The following TRANK1 variants were observed in gnomAD, a reference collection of about 807,000 sequenced individuals.
The protein encoded by TRANK1 is TPR and ankyrin repeat-containing protein 1.
TRANK1 carries 198 observed loss-of-function variants against 266.0 expected under a neutral mutation model. The observed-to-expected ratio is 0.74, with a 90% CI of 0.66 to 0.84. The LOEUF is 0.84. Among genes scored for constraint, TRANK1 ranks in the 40% least tolerant of loss-of-function variants. The pLI, the probability that TRANK1 is intolerant of heterozygous loss-of-function variation, is 0.00. For missense variants in TRANK1, 3,326 were observed against 3,634.6 expected, an observed-to-expected ratio of 0.92 and a Z score of 2.18; for synonymous variants, 1,396 against 1,384.1, an observed-to-expected ratio of 1.01 and a Z score of -0.19.
At chr3:36,892,880 T>G (rs370781156) in intron 6 of TRANK1, 21 bp downstream of exon 6, 17 of 1,005,462 alleles carry the variant, frequency 1.7e-5, no homozygotes, top group African/African-American at 8.4e-5. Context: ...TAGATATATA[T>G]AGATATATAT....
At chr3:36,854,663 C>T (rs546584009) in intron 13 of TRANK1, among the ~76,000 whole-genome samples, 13 of 152,082 alleles carry the variant, frequency 8.5e-5, no homozygotes, top group Admixed American at 3.3e-4. Context: ...AAGCACTATA[C>T]GTAAACTGTT....
intron 1 of TRANK1, among the ~76,000 whole-genome samples, chr3:36,923,256 A>ATTTTT (rs34869381): frequency 7.1e-6 from 1 of 141,004 alleles, no homozygotes. Flanking sequence ...GTCTTGGTAA[A>ATTTTT]TTTTTTTTTT....
intron 8 of TRANK1, among the ~76,000 whole-genome samples, chr3:36,888,283 G>T (rs1405161178): frequency 6.6e-6 from 1 of 152,148 alleles, no homozygotes; most frequent in Non-Finnish European, 1.5e-5. Flanking sequence ...GAAATATCCA[G>T]AATAGGCAAA....
chr3:36,866,084 GAAAGAAAGAAAGAAAGAAAGAA>G (rs1242947007), intron 9 of TRANK1, among the ~76,000 whole-genome samples: 3 of 150,862 alleles, frequency 2.0e-5, no homozygotes, highest in African/African-American at 7.3e-5. Context: ...AAGAAAGAAA[GAAAGAAAGAAAGAAAGAAAGAA>G]AGAAAGAAAG....
chr3:36,897,675 T>C (rs2079812622), intron 4 of TRANK1, among the ~76,000 whole-genome samples: 1 of 152,256 alleles, frequency 6.6e-6, no homozygotes, highest in African/African-American at 2.4e-5. Context: ...TTCTAACATG[T>C]GCCATTTTTC....
At chr3:36,942,198 T>C (rs553014315) in intron 1 of TRANK1, among the ~76,000 whole-genome samples, 3 of 152,072 alleles carry the variant, frequency 2.0e-5, no homozygotes, top group South Asian at 2.1e-4. Flanking sequence ...AACCAGCAAA[T>C]AGAAGTTTAA....
intron 1 of TRANK1, among the ~76,000 whole-genome samples, chr3:36,943,658 A>G (rs1188301686): frequency 6.6e-6 from 1 of 151,158 alleles, no homozygotes; most frequent in Non-Finnish European, 1.5e-5. Context: ...TCTATAAAGG[A>G]CCAAACAGGA....
At chr3:36,944,651 C>A in intron 1 of TRANK1, 136 bp downstream of exon 1, 1 of 1,069,572 alleles carries the variant, frequency 9.3e-7, no homozygotes, top group South Asian at 1.6e-5. Context: ...CTGTGGGCCC[C>A]ACAGGGATGG....
At position 36,874,304 on chromosome 3, in the gene TRANK1, A is replaced by G. The variant is rs1190176821; in HGVS notation, c.908-8T>C. ...GCACATCCTCTGTTTGTCCTAGGGC[A>G]GGCCAAAATGAGAAGGGGTGTTTGT... On this transcript the variant is annotated splice_polypyrimidine_tract_variant and splice_region_variant and intron_variant, in intron 8 of 23. Coordinates refer to ENST00000645898, the MANE Select transcript of TRANK1 (RefSeq NM_001329998.2). The G allele has an allele frequency of 2.0e-6, 3 of 1,534,936 alleles. No individual in the cohort carries two copies. The South Asian group carries it at 3.6e-5, about 18-fold the overall frequency.
At chr3:36,850,208 G>GA (rs947133088) in intron 15 of TRANK1, 54 of 984,964 alleles carry the variant, frequency 5.5e-5, no homozygotes, top group Non-Finnish European at 6.3e-5. Context: ...TGTATCATTA[G>GA]AAAAAAAAGT....
chr3:36,879,605 T>C (rs1203816069), intron 8 of TRANK1, among the ~76,000 whole-genome samples: 1 of 118,560 alleles, frequency 8.4e-6, no homozygotes, highest in African/African-American at 3.7e-5. Flanking sequence ...TATAAATATA[T>C]ATAAATATAC....
intron 9 of TRANK1, 65 bp downstream of exon 9, chr3:36,874,061 A>T (rs1235677870): frequency 1.4e-6 from 2 of 1,405,196 alleles, no homozygotes; most frequent in African/African-American, 1.4e-5. Flanking sequence ...AGATAAACTG[A>T]TTTGTATCTA....
intron 15 of TRANK1, chr3:36,850,869 A>G (rs2125534863): frequency 1.0e-6 from 1 of 985,472 alleles, no homozygotes; most frequent in South Asian, 4.7e-5. Flanking sequence ...CTTGGGTATA[A>G]CATAGCCCCT....
intron 3 of TRANK1, among the ~76,000 whole-genome samples, chr3:36,901,328 A>G (rs1462646972): frequency 6.6e-6 from 1 of 152,154 alleles, no homozygotes; most frequent in Non-Finnish European, 1.5e-5. Flanking sequence ...CATGAAGAAG[A>G]GAGAAATTGA....
rs1034545542 is a variant in TRANK1, at chr3:36,857,985, G to A, written c.1737C>T (p.Phe579=). Residue 579 remains phenylalanine (F), a synonymous_variant, in exon 13 of 24, where the codon TTC becomes TTT. Coordinates refer to ENST00000645898, the MANE Select transcript of TRANK1 (RefSeq NM_001329998.2). The surrounding 1 kb of genome is among the most constrained non-coding windows in gnomAD (Gnocchi z 4.3). ...LDLFWSNPTE[F]DYLNPNVQDS... is the part of the protein sequence containing the mutation. Reference sequence around the variant, plus strand: ...CCTGGACATTGGGGTTGAGGTAGTCGAATTCAGTGGGGTTGGACCAAAACA... The same window carrying A: ...CCTGGACATTGGGGTTGAGGTAGTCAAATTCAGTGGGGTTGGACCAAAACA... 1.1e-5 allele frequency: 18 copies of A among 1,598,498 alleles called. No individual in the cohort carries two copies. The highest frequency in any genetic ancestry group is 2.2e-5 in the East Asian group (1 of 44,866).
chr3:36,892,861 A>ATATC lies in TRANK1; in HGVS notation c.636+39_636+40insGATA, dbSNP rs1553626377. 1.6e-3 allele frequency: 1,183 copies of ATATC among 719,048 alleles called. 17 individuals carry two copies. In the African/African-American group the frequency reaches 0.021, roughly 13 times the overall value. The allele number at this position is 719,048 out of a possible 1,614,324, so 44.5% of individuals were successfully genotyped here. A position where few individuals can be genotyped will look rare whatever the true frequency, so the allele number is the denominator to read the frequency against. On this transcript the variant is annotated intron_variant, in intron 6 of 23. Transcript: ENST00000645898. ...ACAAAACAAAACAAAACATATATAT[A>ATATC]TATATATATAGATATATATAGATAT...
At chr3:36,912,950 C>G (rs2080072826) in intron 1 of TRANK1, among the ~76,000 whole-genome samples, 1 of 151,614 alleles carries the variant, frequency 6.6e-6, no homozygotes, top group African/African-American at 2.4e-5. Flanking sequence ...AGCCCAAAAG[C>G]AGTCAATGAT....
chr3:36,846,383 G>T lies in TRANK1; in HGVS notation c.5056C>A (p.Gln1686Lys). 1 of 1,613,286 alleles carries T rather than the reference G, an allele frequency of 6.2e-7. No homozygotes were observed. The highest frequency in any genetic ancestry group is 8.5e-7 in the Non-Finnish European group (1 of 1,179,536). ...GCCCGTGTGATGGCGGTGTACAGCT[G>T]CTTCAGCTCTCCGTTGAGGAGCTAA... ...MYKLLNGELK[Q>K]LYTAITRARV... The change falls in exon 17 of 24, where the codon CAG becomes AAG. Residue 1686 changes from glutamine to lysine, a missense_variant. Transcript: ENST00000645898.
chr3:36,879,349 C>A (rs1205571584), intron 8 of TRANK1, among the ~76,000 whole-genome samples: 1 of 151,336 alleles, frequency 6.6e-6, no homozygotes, highest in Non-Finnish European at 1.5e-5. Context: ...ATGCTCTTTA[C>A]TGATAAAGGA....
Sources: allele counts gnomAD v4.1 joint callset (sites outside exome capture counted in the v4.1 genomes callset), GRCh38; gene constraint gnomAD v4.1.1; non-coding constraint Gnocchi (gnomAD v3.1); transcripts MANE v1.5; gene names NCBI Gene and HGNC (gene_info 2026-07-23, HGNC 2026-07-21).